The following ESR1 variants were observed in gnomAD, a reference collection of about 807,000 sequenced individuals.
ESR1 encodes estrogen receptor 1.
Under a neutral mutation model 52.7 loss-of-function variants are expected in ESR1, and 12 were observed. The ratio of observed to expected loss-of-function variants is 0.23; its 90% confidence interval spans 0.15 to 0.37. The LOEUF (loss-of-function observed/expected upper bound fraction) is 0.37, where lower values mean the gene tolerates loss of function less well. Among genes scored for constraint, ESR1 ranks in the 10% least tolerant of loss-of-function variants. ESR1 has a pLI of 1.00. For missense variants in ESR1, 584 were observed against 779.7 expected (o/e 0.75, Z 2.99); for synonymous variants, 305 against 316.8 (o/e 0.96, Z 0.39).
In ESR1 at chr6:151,747,579, T is replaced by C. The variant is rs1212749526; in HGVS notation, c.-71+45574T>C. 3.3e-5 allele frequency among the ~76,000 whole-genome samples: 5 copies of C among 152,204 alleles called. No individual in the cohort carries two copies. The East Asian group carries it at 9.6e-4, about 29-fold the overall frequency. On this transcript the variant is annotated intron_variant, in intron 2 of 2. Transcript: ENST00000404742. ...TTTTTTTTCCAGTTTTATTGAAATATATTTTGCATAAAAATATAAAATCCA... is the reference window on the plus strand; with the variant it reads ...TTTTTTTTCCAGTTTTATTGAAATACATTTTGCATAAAAATATAAAATCCA...
intron 6 of ESR1, among the ~76,000 whole-genome samples, chr6:152,080,599 C>T (rs563799785): frequency 5.9e-5 from 9 of 152,214 alleles, no homozygotes; most frequent in South Asian, 4.2e-4. Flanking sequence ...CATCAATTAA[C>T]GGGCAAAATA....
intron 4 of ESR1, among the ~76,000 whole-genome samples, chr6:152,000,131 A>G (rs2041835007): frequency 6.6e-6 from 1 of 152,058 alleles, no homozygotes; most frequent in African/African-American, 2.4e-5. Context: ...CTTTTTATAT[A>G]TTCTTTCTAG....
intron 6 of ESR1, among the ~76,000 whole-genome samples, chr6:152,125,098 T>G (rs1247193540): frequency 6.6e-6 from 1 of 152,210 alleles, no homozygotes; most frequent in Non-Finnish European, 1.5e-5. Flanking sequence ...ACCTGGAGAC[T>G]CTAGACAGGC....
At chr6:152,000,864 A>G (rs1255909708) in intron 4 of ESR1, among the ~76,000 whole-genome samples, 2 of 152,042 alleles carry the variant, frequency 1.3e-5, no homozygotes, top group African/African-American at 2.4e-5. Flanking sequence ...AGGCTTTGCA[A>G]TCTTGAAGAC....
chr6:151,808,051 A>G lies in ESR1; in HGVS notation c.139A>G (p.Ser47Gly). 1 of 1,613,624 alleles carries G rather than the reference A, an allele frequency of 6.2e-7. No homozygotes were observed. The highest frequency in any genetic ancestry group is 2.2e-5 in the East Asian group (1 of 44,850). The stretch of plus-strand genomic sequence containing the variant: ...CCTGGGCGAGGTGTACCTGGACAGC[A>G]GCAAGCCCGCCGTGTACAACTACCC... ...RPLGEVYLDS[S>G]KPAVYNYPEG... Residue 47 changes from serine to glycine, a missense_variant, in exon 1 of 8, where the codon AGC (serine) becomes GGC (glycine). Coordinates refer to ENST00000206249, the MANE Select transcript of ESR1 (RefSeq NM_000125.4).
intron 5 of ESR1, among the ~76,000 whole-genome samples, chr6:152,047,623 T>C (rs3020366): frequency 0.42 from 63,513 of 151,956 alleles, 14,605 homozygotes; most frequent in African/African-American, 0.6. Flanking sequence ...GGAATTGCCC[T>C]GTGTGAGTTC....
At chr6:151,855,415 A>G (rs1367226599) in intron 2 of ESR1, among the ~76,000 whole-genome samples, 1 of 151,248 alleles carries the variant, frequency 6.6e-6, no homozygotes, top group Admixed American at 6.6e-5. Context: ...TTCATTTTTC[A>G]TTTCTCCCTG....
intron 4 of ESR1, among the ~76,000 whole-genome samples, chr6:152,005,994 G>C (rs1292431367): frequency 6.6e-6 from 1 of 152,028 alleles, no homozygotes; most frequent in Non-Finnish European, 1.5e-5. Flanking sequence ...CATTGGATAG[G>C]TGGTATGATA....
At chr6:151,880,181 G>GCTT in intron 2 of ESR1, among the ~76,000 whole-genome samples, 1 of 116,358 alleles carries the variant, frequency 8.6e-6, no homozygotes, top group African/African-American at 3.3e-5. Flanking sequence ...TTTTTGTTCT[G>GCTT]TTTTTTTTTT....
At chr6:151,842,934 T>C in intron 2 of ESR1, 147 bp downstream of exon 2, 1 of 695,626 alleles carries the variant, frequency 1.4e-6, no homozygotes, top group Non-Finnish European at 2.5e-6. Context: ...GGTAGAAACA[T>C]GGAGAAGAGA....
chr6:151,755,640 C>CTT lies in ESR1; in HGVS notation c.-70-52193_-70-52192dup, dbSNP rs372816195. Among the ~76,000 whole-genome samples, 668 of 145,810 alleles carry CTT rather than the reference C, an allele frequency of 4.6e-3. 8 individuals are homozygous for CTT. The highest frequency in any genetic ancestry group is 0.015 in the African/African-American group (592 of 40,014). On this transcript the variant is annotated intron_variant, in intron 2 of 2. Transcript: ENST00000404742. Reference sequence around the variant, plus strand: ...TGACTCTTTTCTTTCTTTTTCTTTTCTTTTTTTTTTTACAGAATCTTGCTC... The same window carrying CTT: ...TGACTCTTTTCTTTCTTTTTCTTTTCTTTTTTTTTTTTTACAGAATCTTGCTC...
Position 152,098,893 on chromosome 6 carries a change from G to T in ESR1, c.1715G>T (p.Gly572Val). The stretch of plus-strand genomic sequence containing the variant: ...GACCAAAGCCACTTGGCCACTGCGG[G>T]CTCTACTTCATCGCATTCCTTGCAA... The part of the protein sequence containing the change: ...ETDQSHLATA[G>V]STSSHSLQKY... Residue 572 changes from glycine to valine, a missense_variant, in exon 8 of 8, where the codon GGC (glycine) becomes GTC (valine). Physicochemically the swap from Gly to Val is moderately radical, Grantham distance 109 (BLOSUM62 -3). Around this residue, in one of 6 missense-constraint regions of ESR1, gnomAD observed 71 missense variants for 66.1 expected, o/e 1.07. Transcript: ENST00000206249. This position sits in a 1 kb window ranked among gnomAD's most constrained non-coding sequence, Gnocchi z 5.1. The T allele has an allele frequency of 6.2e-7, 1 of 1,614,206 alleles. No individual in the cohort carries two copies. The highest frequency in any genetic ancestry group is 8.5e-7 in the Non-Finnish European group (1 of 1,180,046).
intron 2 of ESR1, among the ~76,000 whole-genome samples, chr6:151,844,137 AT>A (rs1784736836): frequency 6.6e-6 from 1 of 151,296 alleles, no homozygotes; most frequent in Admixed American, 6.6e-5. Context: ...ATGTAAGTTA[AT>A]ATATTTATTA....
At chr6:151,793,732 A>G (rs1255300192) in intron 2 of ESR1, among the ~76,000 whole-genome samples, 1 of 152,188 alleles carries the variant, frequency 6.6e-6, no homozygotes, top group Non-Finnish European at 1.5e-5. Context: ...GTGCATGACT[A>G]TATTTACTGA....
chr6:151,724,768 A>G (rs924852609), intron 2 of ESR1, among the ~76,000 whole-genome samples: 2 of 152,176 alleles, frequency 1.3e-5, no homozygotes, highest in African/African-American at 4.8e-5. Flanking sequence ...CAGCGTTAAT[A>G]GTGTTAGTGG....
chr6:151,702,883 C>T (rs193080074), intron 2 of ESR1, among the ~76,000 whole-genome samples: 7 of 152,340 alleles, frequency 4.6e-5, no homozygotes, highest in Admixed American at 2.6e-4. Context: ...ATCTATGCAG[C>T]ATTTTGCAAA....
intron 5 of ESR1, among the ~76,000 whole-genome samples, chr6:152,027,674 ATTTGGACT>A (rs1238156592): frequency 6.6e-6 from 1 of 152,156 alleles, no homozygotes; most frequent in Non-Finnish European, 1.5e-5. Flanking sequence ...CTCATTAGTG[ATTTGGACT>A]TTTTGTCTGA....
chr6:152,037,959 T>C (rs2045455487), intron 5 of ESR1, among the ~76,000 whole-genome samples: 1 of 152,120 alleles, frequency 6.6e-6, no homozygotes, highest in Admixed American at 6.5e-5. Flanking sequence ...AGGAGTTTAT[T>C]AAGGAGTATT....
At chr6:151,728,340 A>G (rs1781995394) in intron 2 of ESR1, among the ~76,000 whole-genome samples, 1 of 152,270 alleles carries the variant, frequency 6.6e-6, no homozygotes, top group South Asian at 2.1e-4. Flanking sequence ...ATGAGAAAGA[A>G]GAAAGTTCAC....
Sources: gnomAD v4.1 joint callset for allele counts (sites outside exome capture counted in the v4.1 genomes callset) on GRCh38, gnomAD v4.1.1 for gene constraint, gnomAD v4.1.1 regional missense constraint, Gnocchi (gnomAD v3.1) non-coding constraint, MANE v1.5 for transcripts, NCBI Gene and HGNC (gene_info 2026-07-23, HGNC 2026-07-21) for gene names.